ADD1: variants seen among roughly 807,000 people sequenced by gnomAD.
ADD1 encodes the protein adducin 1.
A neutral mutation model predicts 80.5 loss-of-function variants in ADD1; 24 were observed. The ratio of observed to expected loss-of-function variants is 0.30; its 90% CI spans 0.22 to 0.42. The LOEUF (loss-of-function observed/expected upper bound fraction) is 0.42. Ranked by LOEUF, ADD1 falls within the 10% of genes least tolerant of loss-of-function variation. ADD1 has a pLI of 1.00. For synonymous variants in ADD1, 373 were observed against 393.8 expected (o/e 0.95, Z 0.63); for missense variants, 948 against 1,019.0 (o/e 0.93, Z 0.95).
At chr4:2,928,011 G>A (rs2109242128) in intron 15 of ADD1, among the ~76,000 whole-genome samples, 160 bp from the exon 16 acceptor site, 1 of 152,256 alleles carries the variant, frequency 6.6e-6, no homozygotes, top group Middle Eastern at 3.4e-3. Context: ...GCTCCATCCA[G>A]CCGTACAGTA....
chr4:2,887,905 T>C (rs1733654603), intron 4 of ADD1, among the ~76,000 whole-genome samples: 1 of 152,230 alleles, frequency 6.6e-6, no homozygotes, highest in African/African-American at 2.4e-5. Flanking sequence ...TTTGTAATTT[T>C]GCACTTTCTC....
At position 2,926,741 on chromosome 4, in the gene ADD1, T is replaced by G. The variant is rs1345877172; in HGVS notation, c.2047+629T>G. On this transcript the variant is annotated intron_variant, in intron 15 of 15. Coordinates refer to ENST00000683351, the MANE Select transcript of ADD1 (RefSeq NM_001354761.2). This position sits in a 1 kb window ranked among gnomAD's most constrained non-coding sequence, Gnocchi z 5.0. Reference sequence around the variant, plus strand: ...GCTTTGCCTCATTCTCCTGCTTCTTTGTTGTTTATTAAGTTTTGTTTTCTG... The same window carrying G: ...GCTTTGCCTCATTCTCCTGCTTCTTGGTTGTTTATTAAGTTTTGTTTTCTG... 5 of 1,517,526 alleles carry G rather than the reference T, an allele frequency of 3.3e-6. No homozygotes were observed. In the East Asian group the frequency reaches 9.1e-5, roughly 28 times the overall value. The allele number at this position is 1,517,526 out of a possible 1,614,324, so 94.0% of individuals were successfully genotyped here.
At chr4:2,854,317 C>G (rs1370629607) in intron 1 of ADD1, among the ~76,000 whole-genome samples, 1 of 152,082 alleles carries the variant, frequency 6.6e-6, no homozygotes, top group Non-Finnish European at 1.5e-5. Flanking sequence ...GAATGAGACT[C>G]CATCTTAAGA....
At chr4:2,856,586 T>G (rs1169602932) in intron 1 of ADD1, among the ~76,000 whole-genome samples, 1 of 94,188 alleles carries the variant, frequency 1.1e-5, no homozygotes, top group Non-Finnish European at 2.9e-5. Context: ...TTACTAGAGT[T>G]TTTTTTTTTT....
At chr4:2,905,193 T>C in intron 10 of ADD1, 85 bp downstream of exon 10, 4 of 1,330,662 alleles carry the variant, frequency 3.0e-6, no homozygotes, top group Non-Finnish European at 4.2e-6. Context: ...GAATCCAGCC[T>C]TTCTGACCCA....
intron 1 of ADD1, among the ~76,000 whole-genome samples, chr4:2,850,443 T>C (rs1351791261): frequency 6.6e-6 from 1 of 152,056 alleles, no homozygotes; most frequent in African/African-American, 2.4e-5. Flanking sequence ...TTTTTTTTTC[T>C]GAGACGGTGT....
At chr4:2,851,946 A>G (rs536153860) in intron 1 of ADD1, among the ~76,000 whole-genome samples, 2 of 152,140 alleles carry the variant, frequency 1.3e-5, no homozygotes, top group East Asian at 1.9e-4. Flanking sequence ...GGTTCAAGCA[A>G]TTCTACTTCA....
chr4:2,918,773 A>G (rs1180268035), intron 14 of ADD1, among the ~76,000 whole-genome samples: 3 of 151,438 alleles, frequency 2.0e-5, no homozygotes, highest in Admixed American at 6.6e-5. Context: ...TGAGATAATC[A>G]TGTGGTTTTT....
chr4:2,925,050 ACAGAGCTGT>A (rs1433906491), intron 14 of ADD1, among the ~76,000 whole-genome samples: 2 of 152,208 alleles, frequency 1.3e-5, no homozygotes, highest in East Asian at 3.9e-4. Context: ...CTCTGTGATC[ACAGAGCTGT>A]CAGCAGGAGA....
Position 2,926,271 on chromosome 4 carries a change from C to T in ADD1, c.2047+159C>T. The T allele has an allele frequency of 1.3e-6, 1 of 762,598 alleles. No homozygotes were observed. Among genetic ancestry groups the T allele is most frequent in the Non-Finnish European group, 2.3e-6 (1 of 431,832 alleles). The allele number at this position is 762,598 out of a possible 1,614,324, so 47.2% of individuals were successfully genotyped here. A position where few individuals can be genotyped will look rare whatever the true frequency, so the allele number is the denominator to read the frequency against. On this transcript the variant is annotated intron_variant, in intron 15 of 15. Coordinates refer to ENST00000683351, the MANE Select transcript of ADD1 (RefSeq NM_001354761.2). The surrounding 1 kb of genome is among the most constrained non-coding windows in gnomAD (Gnocchi z 5.0). The stretch of plus-strand genomic sequence containing the variant: ...TTTCTCCTCCTATATTGCTTCTGTC[C>T]TGGGTAACTCCAGGCAAAACAGATT...
chr4:2,887,970 T>C (rs898894751), intron 4 of ADD1, among the ~76,000 whole-genome samples: 3 of 152,236 alleles, frequency 2.0e-5, no homozygotes, highest in African/African-American at 4.8e-5. Context: ...AATTAAAGTA[T>C]GTATTAATAG....
At chr4:2,848,007 G>A (rs1441341950) in intron 1 of ADD1, among the ~76,000 whole-genome samples, 1 of 152,174 alleles carries the variant, frequency 6.6e-6, no homozygotes. Context: ...CTGAGATCAG[G>A]AGTTCGAGGC....
At chr4:2,916,641 C>T (rs1739133849) in intron 14 of ADD1, among the ~76,000 whole-genome samples, 1 of 152,094 alleles carries the variant, frequency 6.6e-6, no homozygotes, top group Non-Finnish European at 1.5e-5. Context: ...ATGGGTGGCA[C>T]CCATCATCTA....
chr4:2,892,124 C>T (rs997835219), intron 4 of ADD1, among the ~76,000 whole-genome samples: 4 of 152,114 alleles, frequency 2.6e-5, no homozygotes, highest in Non-Finnish European at 5.9e-5. Context: ...ATCCTCATCA[C>T]TGAAACTAAA....
chr4:2,884,590 T>C lies in ADD1; in HGVS notation c.434T>C (p.Leu145Ser). ...GCGTATGACAAAGGAGAGAAGTTATTACGGTGTAAATTGGCAGCGTTTTAT... is the reference window on the plus strand; with the variant it reads ...GCGTATGACAAAGGAGAGAAGTTATCACGGTGTAAATTGGCAGCGTTTTAT... Reference protein sequence around the residue: ...SIAYDKGEKLLRCKLAAFYRL... With the variant: ...SIAYDKGEKLSRCKLAAFYRL... Residue 145 changes from leucine (L) to serine (S), a missense_variant, in exon 4 of 16, where the codon TTA (leucine) becomes TCA (serine). Leu to Ser is a moderately radical substitution (Grantham distance 145). Coordinates refer to ENST00000683351, the MANE Select transcript of ADD1 (RefSeq NM_001354761.2). 6.2e-7 allele frequency: 1 copy of C among 1,613,802 alleles called. No homozygotes were observed. The highest frequency in any genetic ancestry group is 8.5e-7 in the Non-Finnish European group (1 of 1,179,774).
Position 2,926,867 on chromosome 4 carries a change from C to T in ADD1, c.2047+755C>T, listed in dbSNP as rs190622673. 1.4e-4 allele frequency among the ~76,000 whole-genome samples: 21 copies of T among 152,364 alleles called. No homozygotes were observed. The highest frequency in any genetic ancestry group is 1.6e-4 in the Non-Finnish European group (11 of 68,038). ...CACCTGAGTGCTGTGCTGCCTTCAGCGGCAGCGGGTACCTCCACGCACCTA... is the reference window on the plus strand; with the variant it reads ...CACCTGAGTGCTGTGCTGCCTTCAGTGGCAGCGGGTACCTCCACGCACCTA... On this transcript the variant is annotated intron_variant, in intron 15 of 15. Coordinates refer to ENST00000683351, the MANE Select transcript of ADD1 (RefSeq NM_001354761.2). This position sits in a 1 kb window ranked among gnomAD's most constrained non-coding sequence, Gnocchi z 5.0.
chr4:2,920,948 T>C (rs1257267294), intron 14 of ADD1, among the ~76,000 whole-genome samples: 2 of 152,220 alleles, frequency 1.3e-5, no homozygotes, highest in Non-Finnish European at 2.9e-5. Flanking sequence ...CTTTACAATT[T>C]GGTATGTTTT....
chr4:2,848,458 T>C (rs1033259489), intron 1 of ADD1, among the ~76,000 whole-genome samples: 2 of 152,122 alleles, frequency 1.3e-5, no homozygotes, highest in Non-Finnish European at 2.9e-5. Flanking sequence ...ATGTTGAGCA[T>C]ATATTTATTT....
intron 1 of ADD1, among the ~76,000 whole-genome samples, chr4:2,859,042 G>A (rs1030201856): frequency 6.6e-6 from 1 of 152,200 alleles, no homozygotes; most frequent in East Asian, 1.9e-4. Context: ...TGCATCATTG[G>A]GCCCTGCGCC....
Sources: gnomAD v4.1 joint callset for allele counts (sites outside exome capture counted in the v4.1 genomes callset) on GRCh38, gnomAD v4.1.1 for gene constraint, Gnocchi (gnomAD v3.1) non-coding constraint, MANE v1.5 for transcripts, NCBI Gene and HGNC (gene_info 2026-07-23, HGNC 2026-07-21) for gene names.